HPSE2: variants seen among roughly 807,000 people sequenced by gnomAD.
HPSE2 encodes heparanase 2 (inactive).
A neutral mutation model predicts 60.5 loss-of-function variants in HPSE2; 38 were observed. The ratio of observed to expected loss-of-function variants is 0.63; its 90% CI spans 0.48 to 0.82. HPSE2 has a LOEUF of 0.82. Ranked by LOEUF, HPSE2 falls within the 40% of genes least tolerant of loss-of-function variation. The pLI is 0.00. For missense variants in HPSE2, 713 were observed against 740.4 expected (o/e 0.96, Z 0.43); for synonymous variants, 295 against 293.2 (o/e 1.01, Z -0.06).
chr10:99,148,783 T>C (rs1564845087), intron 2 of HPSE2, among the ~76,000 whole-genome samples: 1 of 133,230 alleles, frequency 7.5e-6, no homozygotes, highest in Non-Finnish European at 1.7e-5. Context: ...AGAGCGAAAC[T>C]CCACTCAATC....
chr10:98,976,889 AG>A (rs1285910428), intron 3 of HPSE2, among the ~76,000 whole-genome samples: 1 of 152,186 alleles, frequency 6.6e-6, no homozygotes, highest in Non-Finnish European at 1.5e-5. Flanking sequence ...TCCAATAACA[AG>A]TATCCTTATA....
At chr10:99,066,016 G>C (rs1392430362) in intron 3 of HPSE2, among the ~76,000 whole-genome samples, 2 of 54,388 alleles carry the variant, frequency 3.7e-5, no homozygotes, top group Non-Finnish European at 1.3e-4. Flanking sequence ...AATAAGTACA[G>C]GCAGGCAGCT....
intron 3 of HPSE2, among the ~76,000 whole-genome samples, chr10:99,039,090 T>A (rs894099328): frequency 8.5e-5 from 13 of 152,172 alleles, no homozygotes; most frequent in African/African-American, 3.1e-4. Context: ...GCTTTATAAC[T>A]TTATACTCTG....
chr10:98,655,558 G>T (rs1213555072), intron 6 of HPSE2, among the ~76,000 whole-genome samples: 1 of 152,150 alleles, frequency 6.6e-6, no homozygotes, highest in Non-Finnish European at 1.5e-5. Context: ...TTCAAGAAAA[G>T]TCATTGATTG....
At chr10:98,696,877 C>T (rs566936272) in intron 5 of HPSE2, among the ~76,000 whole-genome samples, 1 of 152,296 alleles carries the variant, frequency 6.6e-6, no homozygotes, top group South Asian at 2.1e-4. Flanking sequence ...ACTGAACCCC[C>T]AGTGAACCGC....
intron 2 of HPSE2, among the ~76,000 whole-genome samples, chr10:99,164,197 C>G (rs1304632654): frequency 3.1e-5 from 4 of 127,394 alleles, no homozygotes; most frequent in Non-Finnish European, 6.4e-5. Context: ...AGAGAGTTGT[C>G]TCTTCTCCAC....
intron 3 of HPSE2, among the ~76,000 whole-genome samples, chr10:99,101,936 T>C (rs898541574): frequency 6.6e-6 from 1 of 152,072 alleles, no homozygotes; most frequent in Non-Finnish European, 1.5e-5. Flanking sequence ...TTGAAACCAA[T>C]GAGAACAAAG....
intron 3 of HPSE2, chr10:99,013,238 A>G (rs1957058620): frequency 1.5e-6 from 1 of 653,642 alleles, no homozygotes; most frequent in Non-Finnish European, 2.9e-6. Context: ...TTTCTGCTAC[A>G]GTTATGCATT....
chr10:98,953,670 C>T (rs1259605414), intron 3 of HPSE2, among the ~76,000 whole-genome samples: 3 of 151,972 alleles, frequency 2.0e-5, no homozygotes, highest in Non-Finnish European at 4.4e-5. Flanking sequence ...TTGTATGCTA[C>T]GTGGCAACTA....
chr10:99,218,008 G>A (rs1849192172), intron 2 of HPSE2, among the ~76,000 whole-genome samples: 1 of 152,026 alleles, frequency 6.6e-6, no homozygotes, highest in African/African-American at 2.4e-5. Context: ...GTTGGGGTGT[G>A]AAGACCAAAC....
chr10:98,719,949 C>T (rs183921058), intron 5 of HPSE2, among the ~76,000 whole-genome samples: 268 of 151,646 alleles, frequency 1.8e-3, no homozygotes, highest in Non-Finnish European at 3.0e-3. Flanking sequence ...TGCAGTGAGC[C>T]GAGATCATGC....
At position 99,186,133 on chromosome 10, in the gene HPSE2, C is replaced by CACACACACACAT. The variant is rs1554912932; in HGVS notation, c.449-41735_449-41734insATGTGTGTGTGT. ...ACACACACACACACACACACACACA[C>CACACACACACAT]ACACACACACACACACACACAAGGC... On this transcript the variant is annotated intron_variant, in intron 2 of 11. Transcript: ENST00000370552. 6.0e-5 allele frequency among the ~76,000 whole-genome samples: 9 copies of CACACACACACAT among 150,738 alleles called. No homozygotes were observed. The East Asian group carries it at 7.8e-4, about 13-fold the overall frequency.
intron 9 of HPSE2, among the ~76,000 whole-genome samples, chr10:98,614,504 G>C (rs1945846682): frequency 6.6e-6 from 1 of 152,010 alleles, no homozygotes; most frequent in Non-Finnish European, 1.5e-5. Flanking sequence ...ATGTTAGCCA[G>C]GATGGGCTCG....
intron 2 of HPSE2, among the ~76,000 whole-genome samples, chr10:99,200,292 G>C (rs1447400198): frequency 6.6e-6 from 1 of 151,996 alleles, no homozygotes; most frequent in Non-Finnish European, 1.5e-5. Flanking sequence ...ATAGGCACCT[G>C]GAAACATGAC....
intron 9 of HPSE2, among the ~76,000 whole-genome samples, chr10:98,574,612 T>C (rs605113): frequency 0.85 from 129,174 of 152,062 alleles, 56,136 homozygotes; most frequent in East Asian, 1. Context: ...GTCTACCCAA[T>C]ATGCAGAAAA....
At chr10:98,688,970 C>G (rs1270296841) in intron 6 of HPSE2, among the ~76,000 whole-genome samples, 1 of 151,440 alleles carries the variant, frequency 6.6e-6, no homozygotes, top group East Asian at 1.9e-4. Context: ...AATAAGTCAT[C>G]CTTTTCCCTA....
At chr10:99,077,733 T>C (rs1842995731) in intron 3 of HPSE2, among the ~76,000 whole-genome samples, 1 of 152,026 alleles carries the variant, frequency 6.6e-6, no homozygotes. Context: ...TGTGTGTGTG[T>C]GTGTACTACA....
rs533057582 is a variant in HPSE2 at position 99,111,198 on chromosome 10, G to A, written c.610+33040C>T. On this transcript the variant is annotated intron_variant, in intron 3 of 11. Coordinates refer to ENST00000370552, the MANE Select transcript of HPSE2 (RefSeq NM_021828.5). ...TTGTCTATTCTTTCACCAATACCACGTGGTCTTGATTATTGTCATTTTATA... is the reference window on the plus strand; with the variant it reads ...TTGTCTATTCTTTCACCAATACCACATGGTCTTGATTATTGTCATTTTATA... Among the ~76,000 whole-genome samples, 7 of 152,178 alleles carry A rather than the reference G, an allele frequency of 4.6e-5. No individual in the cohort carries two copies. In the East Asian group the frequency reaches 5.8e-4, roughly 13 times the overall value.
At chr10:99,144,767 G>T (rs1380376792) in intron 2 of HPSE2, among the ~76,000 whole-genome samples, 1 of 152,070 alleles carries the variant, frequency 6.6e-6, no homozygotes, top group Non-Finnish European at 1.5e-5. Context: ...TTTGAATACT[G>T]GTAATTATGA....
Sources: gnomAD v4.1 joint callset for allele counts (sites outside exome capture counted in the v4.1 genomes callset) on GRCh38, gnomAD v4.1.1 for gene constraint, MANE v1.5 for transcripts, NCBI Gene and HGNC (gene_info 2026-07-23, HGNC 2026-07-21) for gene names.